Variants in STOX1 observed in about 807,000 individuals in gnomAD.
The protein encoded by STOX1 is storkhead-box protein 1.
Under a neutral mutation model 74.8 loss-of-function variants are expected in STOX1, and 57 were observed. That is an observed-to-expected ratio of 0.76 (90% CI 0.62 to 0.95). STOX1 has a LOEUF of 0.95. Ranked by LOEUF, STOX1 falls within the 40% of genes least tolerant of loss-of-function variation. The pLI is 0.00. For synonymous variants in STOX1, 375 were observed against 401.3 expected (o/e 0.93, Z 0.78); for missense variants, 1,010 against 1,117.0 (o/e 0.90, Z 1.37).
chr10:68,882,704 G>A (rs1367275513), intron 2 of STOX1, among the ~76,000 whole-genome samples: 1 of 151,932 alleles, frequency 6.6e-6, no homozygotes, highest in African/African-American at 2.4e-5. Flanking sequence ...TCACCATGTT[G>A]GTTAGGCTGG....
intron 1 of STOX1, among the ~76,000 whole-genome samples, chr10:68,876,238 A>G (rs1840674752): frequency 6.6e-6 from 1 of 151,490 alleles, no homozygotes; most frequent in South Asian, 2.1e-4. Flanking sequence ...GCTCACCGCA[A>G]CCTCTGCCTT....
intron 1 of STOX1, among the ~76,000 whole-genome samples, chr10:68,867,271 G>T (rs1473412004): frequency 6.6e-6 from 1 of 151,864 alleles, no homozygotes; most frequent in Non-Finnish European, 1.5e-5. Context: ...TACACTTCAG[G>T]CATAGACCTG....
intron 1 of STOX1, among the ~76,000 whole-genome samples, chr10:68,840,427 G>A (rs1839663331): frequency 6.6e-6 from 1 of 151,830 alleles, no homozygotes; most frequent in Non-Finnish European, 1.5e-5. Flanking sequence ...GCTAATTTTT[G>A]TGGGGTTTTT....
chr10:68,887,481 C>T (rs1840990965), intron 3 of STOX1, among the ~76,000 whole-genome samples: 1 of 151,986 alleles, frequency 6.6e-6, no homozygotes, highest in Non-Finnish European at 1.5e-5. Context: ...GAGTTTTCTC[C>T]ATGTTGGTCA....
chr10:68,872,055 G>A (rs1234059414), intron 1 of STOX1, among the ~76,000 whole-genome samples: 2 of 151,868 alleles, frequency 1.3e-5, no homozygotes, highest in African/African-American at 2.4e-5. Flanking sequence ...TTATTTGCAC[G>A]CTGTTGTCAT....
chr10:68,872,238 A>C (rs1840552676), intron 1 of STOX1, among the ~76,000 whole-genome samples: 1 of 152,180 alleles, frequency 6.6e-6, no homozygotes, highest in African/African-American at 2.4e-5. Context: ...CTCTGAGTCC[A>C]TAAACACACT....
At chr10:68,877,511 C>A (rs1369260833) in intron 1 of STOX1, among the ~76,000 whole-genome samples, 1 of 152,180 alleles carries the variant, frequency 6.6e-6, no homozygotes, top group Non-Finnish European at 1.5e-5. Context: ...AAGCCCTTTG[C>A]ACCTCTCTCC....
rs1840937624 is a variant in STOX1, at chr10:68,885,855, C to T, written c.2059C>T (p.Gln687Ter). Residue 687 changes from glutamine to a stop codon, truncating the protein, a stop_gained, in exon 3 of 4, where the codon CAA (glutamine) becomes TAA (stop). Coordinates refer to ENST00000298596, the MANE Select transcript of STOX1 (RefSeq NM_152709.5). LOFTEE classifies it high-confidence loss of function. ...GVNPLRQAAR[Q>*]DKDSEELLRK... Reference sequence around the variant, plus strand: ...GAACCCTTTAAGACAAGCTGCAAGACAAGACAAAGACTCAGAAGAATTATT... The same window carrying T: ...GAACCCTTTAAGACAAGCTGCAAGATAAGACAAAGACTCAGAAGAATTATT... The T allele has an allele frequency of 6.2e-7, 1 of 1,614,046 alleles. No homozygotes were observed. Among genetic ancestry groups the T allele is most frequent in the African/African-American group, 1.3e-5 (1 of 75,024 alleles).
At chr10:68,828,222 G>T in intron 1 of STOX1, 3 of 957,082 alleles carry the variant, frequency 3.1e-6, no homozygotes, top group Non-Finnish European at 4.0e-6. Context: ...GATGCCTGGC[G>T]GCGCCGGGCC....
At position 68,884,797 on chromosome 10, in the gene STOX1, C is replaced by T; in HGVS notation, c.1001C>T (p.Ser334Phe). ...EKPKTEHSSF[S>F]AQFPPEEWPV... ...CCCAAAACAGAACACAGCAGTTTCT[C>T]TGCTCAGTTCCCACCTGAAGAATGG... The change falls in exon 3 of 4, where the codon TCT becomes TTT. Residue 334 changes from serine (S) to phenylalanine (F), a missense_variant. Ser to Phe is a radical substitution (Grantham distance 155). Transcript: ENST00000298596. 1 of 1,614,210 alleles carries T rather than the reference C, an allele frequency of 6.2e-7. No individual in the cohort carries two copies. The highest frequency in any genetic ancestry group is 8.5e-7 in the Non-Finnish European group (1 of 1,180,036).
chr10:68,888,160 G>A (rs937472548), intron 3 of STOX1, among the ~76,000 whole-genome samples: 2 of 152,024 alleles, frequency 1.3e-5, no homozygotes, highest in African/African-American at 4.8e-5. Flanking sequence ...GAGTACAATG[G>A]TGTGGTCTCA....
At chr10:68,891,292 C>T (rs1564591510) in intron 3 of STOX1, among the ~76,000 whole-genome samples, 1 of 152,076 alleles carries the variant, frequency 6.6e-6, no homozygotes, top group African/African-American at 2.4e-5. Flanking sequence ...GACATTGTTT[C>T]TACTTACAGG....
In STOX1 at chr10:68,827,649, C is replaced by T; in HGVS notation, c.26C>T (p.Pro9Leu). The T allele has an allele frequency of 8.7e-7, 1 of 1,143,620 alleles. No individual in the cohort carries two copies. 70.8% of individuals were successfully genotyped at this position (1,143,620 alleles called of 1,614,324 possible). ...ATGGCCCGGCCCGTGCAGCTGGCGCCGGGCTCGCTGGCGCTAGTGCTGTGC... is the reference window on the plus strand; with the variant it reads ...ATGGCCCGGCCCGTGCAGCTGGCGCTGGGCTCGCTGGCGCTAGTGCTGTGC... MARPVQLAPGSLALVLCRL... is the reference protein window; with the variant it reads MARPVQLALGSLALVLCRL... Residue 9 changes from proline to leucine, a missense_variant, in exon 1 of 4, where the codon CCG becomes CTG. By Grantham distance (98) the Pro-to-Leu change is moderately conservative. Transcript: ENST00000298596.
rs557370929 is a variant in STOX1 at position 68,842,672 on chromosome 10, G to A, written c.310+14739G>A. ...TCTCTGCCTCAGCCTCCCGAGTAGC[G>A]GGGATCATGGGTACCCGCCACCACA... On this transcript the variant is annotated intron_variant, in intron 1 of 3. Coordinates refer to ENST00000298596, the MANE Select transcript of STOX1 (RefSeq NM_152709.5). Among the ~76,000 whole-genome samples the A allele has an allele frequency of 2.2e-3, 330 of 151,134 alleles. 2 individuals carry two copies. The highest frequency in any genetic ancestry group is 3.7e-3 in the Non-Finnish European group (250 of 67,742).
chr10:68,847,449 G>C (rs1443198179), intron 1 of STOX1, among the ~76,000 whole-genome samples: 1 of 148,872 alleles, frequency 6.7e-6, no homozygotes, highest in African/African-American at 2.5e-5. Flanking sequence ...TCACTGTGTT[G>C]CCCAGGCTGG....
At chr10:68,879,724 C>T (rs1840764297) in intron 1 of STOX1, among the ~76,000 whole-genome samples, 1 of 152,180 alleles carries the variant, frequency 6.6e-6, no homozygotes, top group African/African-American at 2.4e-5. Flanking sequence ...TGGTTTCCAA[C>T]TGGGATGACT....
At position 68,838,160 on chromosome 10, in the gene STOX1, A is replaced by C. The variant is rs147640753; in HGVS notation, c.310+10227A>C. On this transcript the variant is annotated intron_variant, in intron 1 of 3. Coordinates refer to ENST00000298596, the MANE Select transcript of STOX1 (RefSeq NM_152709.5). The stretch of plus-strand genomic sequence containing the variant: ...TGGCTCCCTGCAGCCTCGACCTCCC[A>C]GACTTAAGTGATCCTCCCATCTCAG... Among the ~76,000 whole-genome samples the C allele has an allele frequency of 3.1e-3, 471 of 150,498 alleles. 4 individuals are homozygous for C. The highest frequency in any genetic ancestry group is 0.011 in the African/African-American group (455 of 40,918).
chr10:68,872,944 G>A (rs982340244), intron 1 of STOX1, among the ~76,000 whole-genome samples: 2 of 151,696 alleles, frequency 1.3e-5, no homozygotes, highest in Admixed American at 1.3e-4. Context: ...TAACGGTACA[G>A]TTTTTATTAA....
intron 1 of STOX1, among the ~76,000 whole-genome samples, chr10:68,830,973 C>T (rs1398913296): frequency 1.3e-5 from 2 of 152,120 alleles, no homozygotes; most frequent in Admixed American, 6.6e-5. Flanking sequence ...GTGGCGAAGG[C>T]AGGAGAAGCT....
Sources: gnomAD v4.1 joint callset for allele counts (sites outside exome capture counted in the v4.1 genomes callset) on GRCh38, gnomAD v4.1.1 for gene constraint, MANE v1.5 for transcripts, NCBI Gene and HGNC (gene_info 2026-07-23, HGNC 2026-07-21) for gene names.